ESRRB: variants seen among roughly 807,000 people sequenced by gnomAD.
ESRRB encodes the protein estrogen related receptor beta.
In ESRRB, 16 loss-of-function variants were observed where a neutral mutation model predicts 46.0. The ratio of observed to expected loss-of-function variants is 0.35; its 90% confidence interval spans 0.24 to 0.53. The LOEUF (loss-of-function observed/expected upper bound fraction) is 0.53, where lower values mean the gene tolerates loss of function less well. Ranked by LOEUF, ESRRB falls within the 20% of genes least tolerant of loss-of-function variation. The pLI, the probability that ESRRB is intolerant of heterozygous loss-of-function variation, is 0.93. For synonymous variants in ESRRB, 246 were observed against 259.6 expected, an observed-to-expected ratio of 0.95 and a Z score of 0.50; for missense variants, 488 against 607.4, an observed-to-expected ratio of 0.80 and a Z score of 2.07.
At chr14:76,322,306 A>G (rs1375131674) in intron 1 of ESRRB, among the ~76,000 whole-genome samples, 3 of 152,132 alleles carry the variant, frequency 2.0e-5, no homozygotes, top group Admixed American at 6.5e-5. Context: ...TTGCTTTTCC[A>G]TAAGTCAGTT....
At chr14:76,402,843 TTC>T (rs1362260660) in intron 1 of ESRRB, among the ~76,000 whole-genome samples, 2 of 152,254 alleles carry the variant, frequency 1.3e-5, no homozygotes, top group East Asian at 3.9e-4. Context: ...TGGGAATTCT[TTC>T]TTTTTCTTTC....
Position 76,500,831 on chromosome 14 carries a change from G to T in ESRRB, c.*2373G>T. 8.3e-7 allele frequency: 1 copy of T among 1,205,396 alleles called. No homozygotes were observed. Among genetic ancestry groups the T allele is most frequent in the Non-Finnish European group, 1.2e-6 (1 of 808,588 alleles). The allele number at this position is 1,205,396 out of a possible 1,614,324, so 74.7% of individuals were successfully genotyped here. A position where few individuals can be genotyped will look rare whatever the true frequency, so the allele number is the denominator to read the frequency against. On this transcript the variant is annotated 3_prime_UTR_variant, in exon 7 of 7. Coordinates refer to ENST00000644823, the MANE Select transcript of ESRRB (RefSeq NM_001379180.1). ...CAGAGCCCCTCTAGCAGAGTGGGGC[G>T]GAAGTCCTGATGGTTGGTGTCCATG...
At chr14:76,372,887 G>A (rs1183081705), upstream of ESRRB, among the ~76,000 whole-genome samples, 2 of 152,226 alleles carry the variant, frequency 1.3e-5, no homozygotes, top group Non-Finnish European at 2.9e-5. Flanking sequence ...AATTGAATAA[G>A]TAGAAATTCA....
chr14:76,413,592 ATG>A (rs1401072279), intron 1 of ESRRB, among the ~76,000 whole-genome samples: 1 of 152,060 alleles, frequency 6.6e-6, no homozygotes, highest in East Asian at 1.9e-4. Context: ...GGTCCCATGA[ATG>A]TGTGTGTGAC....
intron 1 of ESRRB, among the ~76,000 whole-genome samples, chr14:76,412,992 C>T (rs1052871996): frequency 6.6e-6 from 1 of 152,062 alleles, no homozygotes; most frequent in African/African-American, 2.4e-5. Context: ...GTGGCTTGTG[C>T]CTTTAGAAAA....
At chr14:76,431,498 G>A (rs899044201) in intron 1 of ESRRB, among the ~76,000 whole-genome samples, 1 of 152,128 alleles carries the variant, frequency 6.6e-6, no homozygotes, top group African/African-American at 2.4e-5. Context: ...GGCAGGAAGA[G>A]CCCCCCAGCA....
intron 1 of ESRRB, among the ~76,000 whole-genome samples, chr14:76,410,163 G>T (rs2139860212): frequency 6.6e-6 from 1 of 152,332 alleles, no homozygotes; most frequent in Non-Finnish European, 1.5e-5. Flanking sequence ...GGTGGAGGTT[G>T]CAGTGAGCTG....
chr14:76,500,206 A>AC lies in ESRRB; in HGVS notation c.*1749dup. On this transcript the variant is annotated 3_prime_UTR_variant, in exon 7 of 7. Coordinates refer to ENST00000644823, the MANE Select transcript of ESRRB (RefSeq NM_001379180.1). ...AGGGAGGGCTGGCTGAAATCCACAAACTGCAGAGCAGCTCTCTGATGGTGT... is the reference window on the plus strand; with the variant it reads ...AGGGAGGGCTGGCTGAAATCCACAAACCTGCAGAGCAGCTCTCTGATGGTGT... The AC allele has an allele frequency of 1.5e-6, 1 of 668,570 alleles. No individual in the cohort carries two copies. Among genetic ancestry groups the AC allele is most frequent in the Non-Finnish European group, 2.6e-6 (1 of 389,850 alleles). The allele number at this position is 668,570 out of a possible 1,614,324, so 41.4% of individuals were successfully genotyped here. A position where few individuals can be genotyped will look rare whatever the true frequency, so the allele number is the denominator to read the frequency against.
At chr14:76,477,541 C>T (rs1391619654) in intron 3 of ESRRB, among the ~76,000 whole-genome samples, 1 of 152,188 alleles carries the variant, frequency 6.6e-6, no homozygotes, top group South Asian at 2.1e-4. Context: ...GCAGCTGAAG[C>T]CCACTTGTCC....
intron 1 of ESRRB, among the ~76,000 whole-genome samples, chr14:76,429,271 C>A (rs1887330565): frequency 6.6e-6 from 1 of 152,104 alleles, no homozygotes; most frequent in South Asian, 2.1e-4. Flanking sequence ...TTTCTTAGGG[C>A]TGTTTTATTA....
chr14:76,417,582 C>T (rs946796610), intron 1 of ESRRB, among the ~76,000 whole-genome samples: 3 of 152,148 alleles, frequency 2.0e-5, no homozygotes, highest in Admixed American at 6.5e-5. Flanking sequence ...GTGTTTGCAG[C>T]GAACACGCAT....
chr14:76,352,945 C>T (rs1037952746), intron 1 of ESRRB, among the ~76,000 whole-genome samples: 1 of 152,228 alleles, frequency 6.6e-6, no homozygotes, highest in East Asian at 1.9e-4. Flanking sequence ...AGATCCAGCG[C>T]GCCCTCTGGT....
At chr14:76,379,995 G>A (rs1225786132) in intron 1 of ESRRB, among the ~76,000 whole-genome samples, 2 of 151,958 alleles carry the variant, frequency 1.3e-5, no homozygotes, top group Non-Finnish European at 2.9e-5. Flanking sequence ...TTCGGGGAAA[G>A]CACTTCAAAG....
intron 1 of ESRRB, among the ~76,000 whole-genome samples, chr14:76,402,327 G>A (rs59077246): frequency 0.092 from 14,043 of 152,250 alleles, 1,609 homozygotes; most frequent in African/African-American, 0.27. Context: ...GTAAACCATG[G>A]CCCTGTCTTC....
chr14:76,439,682 C>T lies in ESRRB; in HGVS notation c.392C>T (p.Ala131Val), dbSNP rs121909110. 6.2e-7 allele frequency: 1 copy of T among 1,614,214 alleles called. No individual in the cohort carries two copies. Among genetic ancestry groups the T allele is most frequent in the Non-Finnish European group, 8.5e-7 (1 of 1,180,032 alleles). The change falls in exon 2 of 7, where the codon GCC becomes GTC. Residue 131 changes from alanine (A) to valine (V), a missense_variant. Coordinates refer to ENST00000644823, the MANE Select transcript of ESRRB (RefSeq NM_001379180.1). ...KRLCLVCGDI[A>V]SGYHYGVASC... ...CTGTGCCTCGTGTGCGGGGACATTGCCTCTGGCTACCACTACGGCGTGGCC... is the reference window on the plus strand; with the variant it reads ...CTGTGCCTCGTGTGCGGGGACATTGTCTCTGGCTACCACTACGGCGTGGCC...
At chr14:76,447,734 G>A (rs1048244350) in intron 2 of ESRRB, among the ~76,000 whole-genome samples, 5 of 151,860 alleles carry the variant, frequency 3.3e-5, no homozygotes, top group African/African-American at 7.2e-5. Flanking sequence ...CTACCACCCC[G>A]AACTAACATC....
intron 1 of ESRRB, among the ~76,000 whole-genome samples, chr14:76,333,670 T>C (rs1248580357): frequency 6.6e-6 from 1 of 151,266 alleles, no homozygotes; most frequent in Non-Finnish European, 1.5e-5. Flanking sequence ...TCAGTTTTAA[T>C]AATATATTTT....
chr14:76,318,991 C>A (rs1379066407), intron 1 of ESRRB, among the ~76,000 whole-genome samples: 1 of 152,204 alleles, frequency 6.6e-6, no homozygotes, highest in Non-Finnish European at 1.5e-5. Flanking sequence ...GGACTCCACT[C>A]CCATATCCGA....
intron 1 of ESRRB, among the ~76,000 whole-genome samples, chr14:76,428,598 G>A (rs1887299728): frequency 1.3e-5 from 2 of 152,116 alleles, no homozygotes; most frequent in African/African-American, 2.4e-5. Flanking sequence ...GAGGGCTGAA[G>A]TTTCAAAAAG....
Sources: gnomAD v4.1 joint callset for allele counts (sites outside exome capture counted in the v4.1 genomes callset) on GRCh38, gnomAD v4.1.1 for gene constraint, MANE v1.5 for transcripts, NCBI Gene and HGNC (gene_info 2026-07-23, HGNC 2026-07-21) for gene names.